FAM210A: variants seen among roughly 807,000 people sequenced by gnomAD.
FAM210A encodes the protein family with sequence similarity 210 member A.
In FAM210A, 13 loss-of-function variants were observed where a neutral mutation model predicts 25.3. The observed-to-expected ratio is 0.51, with a 90% CI of 0.33 to 0.82. The LOEUF is 0.82. Among genes scored for constraint, FAM210A ranks in the 40% least tolerant of loss-of-function variants. FAM210A has a pLI of 0.02. For synonymous variants in FAM210A, 125 were observed against 118.7 expected (o/e 1.05, Z -0.35); for missense variants, 319 against 323.2 (o/e 0.99, Z 0.10).
At chr18:13,685,294 AT>A (rs71174190) in intron 1 of FAM210A, among the ~76,000 whole-genome samples, 602 of 143,498 alleles carry the variant, frequency 4.2e-3, no homozygotes, top group African/African-American at 4.7e-3. Context: ...CTGCAAAGCC[AT>A]TTTTTTTTTT....
chr18:13,708,692 C>T (rs1568487866), intron 1 of FAM210A, among the ~76,000 whole-genome samples: 2 of 152,128 alleles, frequency 1.3e-5, no homozygotes, highest in East Asian at 3.8e-4. Flanking sequence ...ACTGGTCATG[C>T]CCTTGGCCTT....
chr18:13,722,470 T>C (rs1054097507), intron 1 of FAM210A, among the ~76,000 whole-genome samples: 90 of 152,266 alleles, frequency 5.9e-4, no homozygotes, highest in African/African-American at 2.1e-3. Context: ...TTACAGGTTC[T>C]TCAGGCAAAG....
intron 1 of FAM210A, among the ~76,000 whole-genome samples, chr18:13,691,462 G>A (rs1013337053): frequency 5.9e-5 from 9 of 152,168 alleles, no homozygotes; most frequent in African/African-American, 1.4e-4. Flanking sequence ...TGTCAGATTC[G>A]CCAAAGTTGA....
At chr18:13,679,544 C>G (rs1221298668) in intron 2 of FAM210A, among the ~76,000 whole-genome samples, 1 of 151,738 alleles carries the variant, frequency 6.6e-6, no homozygotes, top group Non-Finnish European at 1.5e-5. Context: ...TAATAAAAAC[C>G]CCAAGGAGGA....
At chr18:13,674,902 A>G (rs1438365260) in intron 2 of FAM210A, among the ~76,000 whole-genome samples, 1 of 117,786 alleles carries the variant, frequency 8.5e-6, no homozygotes, top group Non-Finnish European at 1.8e-5. Context: ...CGACTTCTTT[A>G]TTTCCAGTTT....
At chr18:13,677,408 G>A (rs1452089907) in intron 2 of FAM210A, among the ~76,000 whole-genome samples, 1 of 152,180 alleles carries the variant, frequency 6.6e-6, no homozygotes, top group Non-Finnish European at 1.5e-5. Flanking sequence ...CTCTAAGGGG[G>A]TCCGCGTGAG....
chr18:13,687,106 A>C (rs558391390), intron 1 of FAM210A, among the ~76,000 whole-genome samples: 13 of 152,384 alleles, frequency 8.5e-5, no homozygotes, highest in African/African-American at 3.1e-4. Context: ...GGTATATCTA[A>C]GAATCAACTT....
chr18:13,714,838 C>A (rs1429803421), intron 1 of FAM210A, among the ~76,000 whole-genome samples: 1 of 151,946 alleles, frequency 6.6e-6, no homozygotes, highest in African/African-American at 2.4e-5. Context: ...GATTTAACAC[C>A]CCATAATTGA....
chr18:13,692,478 T>C (rs2043654418), intron 1 of FAM210A, among the ~76,000 whole-genome samples: 1 of 152,164 alleles, frequency 6.6e-6, no homozygotes, highest in Non-Finnish European at 1.5e-5. Flanking sequence ...ATCACACTTA[T>C]TCCAAAACTG....
intron 1 of FAM210A, among the ~76,000 whole-genome samples, chr18:13,718,197 T>TG (rs1179324876): frequency 6.6e-6 from 1 of 152,122 alleles, no homozygotes; most frequent in African/African-American, 2.4e-5. Flanking sequence ...TTGCTAAATG[T>TG]GGGGGTAATT....
At chr18:13,716,857 C>T (rs1418019260) in intron 1 of FAM210A, among the ~76,000 whole-genome samples, 1 of 152,136 alleles carries the variant, frequency 6.6e-6, no homozygotes, top group Non-Finnish European at 1.5e-5. Context: ...TCAATTAAAC[C>T]TCTTTTGTTT....
intron 2 of FAM210A, among the ~76,000 whole-genome samples, chr18:13,675,975 G>C (rs200703442): frequency 0.86 from 37,916 of 44,074 alleles, 16,857 homozygotes; most frequent in East Asian, 0.94. Context: ...TTCCTGAGCC[G>C]TGGTAACTTC....
At position 13,666,342 on chromosome 18, in the gene FAM210A, G is replaced by A; in HGVS notation, c.*138C>T. 1.5e-6 allele frequency: 1 copy of A among 649,510 alleles called. No individual in the cohort carries two copies. Among genetic ancestry groups the A allele is most frequent in the South Asian group, 2.0e-5 (1 of 48,888 alleles). 40.2% of individuals were successfully genotyped at this position (649,510 alleles called of 1,614,324 possible). The stretch of plus-strand genomic sequence containing the variant: ...TCTAGTGATATTTAACTTTAAAAAG[G>A]TATTTTACTTCTTTAACCCTCAGAG... On this transcript the variant is annotated 3_prime_UTR_variant, in exon 4 of 4. Transcript: ENST00000651643.
At chr18:13,721,153 G>A (rs1473793502) in intron 1 of FAM210A, among the ~76,000 whole-genome samples, 3 of 152,142 alleles carry the variant, frequency 2.0e-5, no homozygotes, top group Non-Finnish European at 4.4e-5. Flanking sequence ...AGATCACAGA[G>A]ATCTTGTTAT....
intron 1 of FAM210A, among the ~76,000 whole-genome samples, chr18:13,695,193 T>TC (rs1177863936): frequency 6.6e-6 from 1 of 152,160 alleles, no homozygotes; most frequent in Non-Finnish European, 1.5e-5. Context: ...AGAATGGCGA[T>TC]CATTAAAAAG....
intron 1 of FAM210A, among the ~76,000 whole-genome samples, chr18:13,686,953 C>T (rs189105859): frequency 6.6e-6 from 1 of 152,222 alleles, no homozygotes; most frequent in East Asian, 1.9e-4. Flanking sequence ...TACATATAAT[C>T]CAAGAAAGGA....
At chr18:13,698,446 A>T (rs1197016558) in intron 1 of FAM210A, among the ~76,000 whole-genome samples, 4 of 152,048 alleles carry the variant, frequency 2.6e-5, no homozygotes. Context: ...TAAGATCAAG[A>T]TCCTAAAATC....
chr18:13,709,537 G>A (rs2043806095), intron 1 of FAM210A, among the ~76,000 whole-genome samples: 1 of 152,092 alleles, frequency 6.6e-6, no homozygotes, highest in Admixed American at 6.5e-5. Context: ...TAAAACTATA[G>A]CACCACTCAT....
At chr18:13,708,319 G>A (rs752914399) in intron 1 of FAM210A, among the ~76,000 whole-genome samples, 1 of 152,216 alleles carries the variant, frequency 6.6e-6, no homozygotes, top group South Asian at 2.1e-4. Flanking sequence ...CTCTGGGTGT[G>A]CCACCCTTTC....
Sources: gnomAD v4.1 joint callset for allele counts (sites outside exome capture counted in the v4.1 genomes callset) on GRCh38, gnomAD v4.1.1 for gene constraint, MANE v1.5 for transcripts, NCBI Gene and HGNC (gene_info 2026-07-23, HGNC 2026-07-21) for gene names.